The following DROSHA variants were observed in gnomAD, a reference collection of about 807,000 sequenced individuals.
DROSHA encodes ribonuclease 3.
In DROSHA, 56 loss-of-function variants were observed where a neutral mutation model predicts 181.9. The ratio of observed to expected loss-of-function variants is 0.31; its 90% CI spans 0.25 to 0.38. The LOEUF is 0.38. DROSHA is among the 10% of genes least tolerant of loss of function. The pLI, the probability that DROSHA is intolerant of heterozygous loss-of-function variation, is 1.00. For synonymous variants in DROSHA, 524 were observed against 591.2 expected (o/e 0.89, Z 1.65); for missense variants, 1,218 against 1,743.5 (o/e 0.70, Z 5.37).
chr5:31,422,098 AAAG>A (rs893533304), intron 29 of DROSHA, among the ~76,000 whole-genome samples: 19 of 149,672 alleles, frequency 1.3e-4, no homozygotes, highest in African/African-American at 3.2e-4. Flanking sequence ...CAGAAAAAAA[AAAG>A]AAAGAAAGAA....
At chr5:31,491,560 C>T (rs115407085) in intron 13 of DROSHA, among the ~76,000 whole-genome samples, 1,777 of 152,118 alleles carry the variant, frequency 0.012, 33 homozygotes, top group African/African-American at 0.032. Flanking sequence ...AGTATTTTCA[C>T]GCTAACTAAA....
intron 8 of DROSHA, among the ~76,000 whole-genome samples, chr5:31,513,458 C>T (rs1190455559): frequency 6.6e-6 from 1 of 152,172 alleles, no homozygotes; most frequent in African/African-American, 2.4e-5. Context: ...GGGGTGTTTT[C>T]AGGGTCAACT....
chr5:31,529,726 A>AAAC (rs1741028148), intron 3 of DROSHA, among the ~76,000 whole-genome samples: 5 of 147,066 alleles, frequency 3.4e-5, no homozygotes, highest in African/African-American at 1.3e-4. Context: ...CAGTCTCAAA[A>AAAC]AAACAAACAA....
At chr5:31,497,294 G>A (rs554251389) in intron 11 of DROSHA, among the ~76,000 whole-genome samples, 2 of 152,320 alleles carry the variant, frequency 1.3e-5, no homozygotes, top group South Asian at 2.1e-4. Flanking sequence ...ACAACAGAGA[G>A]GCTTTCTGCA....
chr5:31,473,760 A>G (rs947690701), intron 16 of DROSHA, among the ~76,000 whole-genome samples: 1 of 152,236 alleles, frequency 6.6e-6, no homozygotes, highest in Non-Finnish European at 1.5e-5. Flanking sequence ...ACCATGCAGC[A>G]GTCTGGAAGA....
intron 23 of DROSHA, among the ~76,000 whole-genome samples, chr5:31,441,710 A>G (rs1745617332): frequency 6.6e-6 from 1 of 152,222 alleles, no homozygotes; most frequent in Non-Finnish European, 1.5e-5. Context: ...GTCCTCCTGC[A>G]ATTTCAAGAA....
chr5:31,433,411 G>A (rs910810733), intron 25 of DROSHA, among the ~76,000 whole-genome samples: 22 of 152,170 alleles, frequency 1.4e-4, no homozygotes, highest in Non-Finnish European at 1.5e-5. Context: ...CTGGAGCCCT[G>A]CTTGCAAGCA....
chr5:31,525,612 C>T (rs116101238), intron 5 of DROSHA, among the ~76,000 whole-genome samples: 1,816 of 149,990 alleles, frequency 0.012, 32 homozygotes, highest in African/African-American at 0.033. Flanking sequence ...CAACAATGTA[C>T]AATAAATTTC....
intron 22 of DROSHA, 28 bp downstream of exon 22, chr5:31,449,253 T>C: frequency 1.9e-6 from 3 of 1,611,108 alleles, no homozygotes; most frequent in Non-Finnish European, 2.5e-6. Context: ...AAATAGGAGA[T>C]TCACATCTTA....
rs1259673621 is a variant in DROSHA, at chr5:31,512,578, C to T, written c.1291-1402G>A. 3.3e-5 allele frequency among the ~76,000 whole-genome samples: 5 copies of T among 152,160 alleles called. No individual in the cohort carries two copies. In the South Asian group the frequency reaches 1.0e-3, roughly 32 times the overall value. ...CTCCCAAAGATGTCCATGTCCTAAT[C>T]CCCAGAAATTAAATATATATGTTAA... On this transcript the variant is annotated intron_variant, in intron 8 of 35. Transcript: ENST00000344624.
chr5:31,450,557 C>A (rs1217313382), intron 21 of DROSHA, among the ~76,000 whole-genome samples: 1 of 152,180 alleles, frequency 6.6e-6, no homozygotes, highest in African/African-American at 2.4e-5. Flanking sequence ...AGGCCATTAT[C>A]CTAAGTTAAT....
At chr5:31,406,968 T>C (rs761221804) in intron 33 of DROSHA, 23 bp from the exon 34 acceptor site, 1 of 1,600,414 alleles carries the variant, frequency 6.2e-7, no homozygotes. Flanking sequence ...GGAAAGAACA[T>C]TTATTATGGT....
chr5:31,414,800 C>T (rs1257073469), intron 30 of DROSHA, among the ~76,000 whole-genome samples: 4 of 152,260 alleles, frequency 2.6e-5, no homozygotes, highest in East Asian at 1.9e-4. Flanking sequence ...TTTGGATACC[C>T]GTCCTGTCCA....
chr5:31,401,580 A>G lies in DROSHA; in HGVS notation c.3995-18T>C. On this transcript the variant is annotated intron_variant, in intron 35 of 35. Coordinates refer to ENST00000344624, the MANE Select transcript of DROSHA (RefSeq NM_001382508.1). ...AAAATTATCTGACACAAGGAAATAT[A>G]TTTTATATTTAATAAAATTATATTT... 7.2e-7 allele frequency: 1 copy of G among 1,392,816 alleles called. No individual in the cohort carries two copies. The allele number at this position is 1,392,816 out of a possible 1,614,324, so 86.3% of individuals were successfully genotyped here.
chr5:31,465,205 C>T (rs937380077), intron 19 of DROSHA, among the ~76,000 whole-genome samples: 2 of 152,192 alleles, frequency 1.3e-5, no homozygotes, highest in African/African-American at 4.8e-5. Flanking sequence ...CTTGCTCTTA[C>T]ACAACCCCAG....
At chr5:31,419,828 C>T (rs940524092) in intron 30 of DROSHA, among the ~76,000 whole-genome samples, 1 of 152,172 alleles carries the variant, frequency 6.6e-6, no homozygotes, top group Non-Finnish European at 1.5e-5. Flanking sequence ...GGATATTGAA[C>T]ATGCAATTTA....
chr5:31,409,186 G>C lies in DROSHA; in HGVS notation c.3751-27C>G. On this transcript the variant is annotated intron_variant, in intron 32 of 35. Transcript: ENST00000344624. This position sits in a 1 kb window ranked among gnomAD's most constrained non-coding sequence, Gnocchi z 4.0. Reference sequence around the variant, plus strand: ...TGTGGAAGTCCCCCAAAACTATTTAGTAATGGGTTCTGGAATCACCAAACA... The same window carrying C: ...TGTGGAAGTCCCCCAAAACTATTTACTAATGGGTTCTGGAATCACCAAACA... The C allele has an allele frequency of 6.2e-7, 1 of 1,611,516 alleles. No individual in the cohort carries two copies. Among genetic ancestry groups the C allele is most frequent in the Non-Finnish European group, 8.5e-7 (1 of 1,178,722 alleles).
At chr5:31,446,203 T>C (rs1222260364) in intron 23 of DROSHA, among the ~76,000 whole-genome samples, 3 of 152,026 alleles carry the variant, frequency 2.0e-5, no homozygotes, top group South Asian at 2.1e-4. Flanking sequence ...TCCCAGCACT[T>C]TGGGAGGCCA....
chr5:31,405,203 C>T (rs992731740), intron 35 of DROSHA, among the ~76,000 whole-genome samples: 3 of 151,986 alleles, frequency 2.0e-5, no homozygotes, highest in African/African-American at 7.3e-5. Context: ...CCCATCTCTA[C>T]TAAAAATACA....
Sources: allele counts gnomAD v4.1 joint callset (sites outside exome capture counted in the v4.1 genomes callset), GRCh38; gene constraint gnomAD v4.1.1; non-coding constraint Gnocchi (gnomAD v3.1); transcripts MANE v1.5; gene names NCBI Gene and HGNC (gene_info 2026-07-23, HGNC 2026-07-21).